The following LRP1B variants were observed in gnomAD, a reference collection of about 807,000 sequenced individuals.
LRP1B encodes the protein LDL receptor related protein 1B.
Under a neutral mutation model 556.6 loss-of-function variants are expected in LRP1B, and 217 were observed. That is an observed-to-expected ratio of 0.39 (90% confidence interval 0.35 to 0.44). The LOEUF (loss-of-function observed/expected upper bound fraction) is 0.44, where lower values mean the gene tolerates loss of function less well. Ranked by LOEUF, LRP1B falls within the 20% of genes least tolerant of loss-of-function variation. The probability of loss-of-function intolerance (pLI) is 1.00; values close to 1 mark genes in which losing one functional copy is unlikely to be tolerated. For synonymous variants in LRP1B, 2,047 were observed against 1,865.8 expected (o/e 1.10, Z -2.50); for missense variants, 5,053 against 5,620.8 (o/e 0.90, Z 3.23).
At chr2:140,244,411 C>G (rs1257429368) in intron 87 of LRP1B, among the ~76,000 whole-genome samples, 2 of 151,250 alleles carry the variant, frequency 1.3e-5, no homozygotes, top group Non-Finnish European at 3.0e-5. Context: ...TTTTGTCTTT[C>G]ATAATTTCAG....
chr2:141,722,757 G>GAT (rs1418559908), intron 2 of LRP1B, among the ~76,000 whole-genome samples: 4 of 151,882 alleles, frequency 2.6e-5, no homozygotes, highest in African/African-American at 9.7e-5. Flanking sequence ...TAGATAGATA[G>GAT]ATAGATAGAT....
rs117519962 is a variant in LRP1B at position 141,533,399 on chromosome 2, G to T, written c.206-52866C>A. The stretch of plus-strand genomic sequence containing the variant: ...AATTATATGTAGTAATATTCCAACT[G>T]CTCACATCTTTTCATGAGAACTAAA... On this transcript the variant is annotated intron_variant, in intron 2 of 90. Coordinates refer to ENST00000389484, the MANE Select transcript of LRP1B (RefSeq NM_018557.3). 2.0e-3 allele frequency among the ~76,000 whole-genome samples: 297 copies of T among 152,202 alleles called. 3 individuals carry two copies. Among genetic ancestry groups the T allele is most frequent in the Admixed American group, 0.015 (236 of 15,282 alleles).
intron 3 of LRP1B, among the ~76,000 whole-genome samples, chr2:141,378,564 G>C (rs1270806955): frequency 6.6e-6 from 1 of 152,114 alleles, no homozygotes; most frequent in Non-Finnish European, 1.5e-5. Flanking sequence ...TACTCAGGAA[G>C]CTGAGGCAGG....
chr2:141,921,359 G>T (rs754438601), intron 1 of LRP1B, among the ~76,000 whole-genome samples: 2 of 151,906 alleles, frequency 1.3e-5, no homozygotes, highest in African/African-American at 2.4e-5. Flanking sequence ...GCAGAATATT[G>T]TCCATGAAAA....
intron 18 of LRP1B, among the ~76,000 whole-genome samples, chr2:140,975,184 T>C (rs896483099): frequency 6.6e-6 from 1 of 152,132 alleles, no homozygotes; most frequent in African/African-American, 2.4e-5. Context: ...ATATACATCC[T>C]GTGGTGAGAA....
rs1205506367 is a variant in LRP1B, at chr2:140,299,533, A to T, written c.12806-1564T>A. ...GTAATCTCATATTTTTTTGTTGCCA[A>T]AAAATGTTCACTAACTTTTAGTAGA... On this transcript the variant is annotated intron_variant, in intron 83 of 90. Transcript: ENST00000389484. Among the ~76,000 whole-genome samples, 8 of 152,232 alleles carry T rather than the reference A, an allele frequency of 5.3e-5. No individual in the cohort carries two copies. In the East Asian group the frequency reaches 7.7e-4, roughly 15 times the overall value.
intron 2 of LRP1B, among the ~76,000 whole-genome samples, chr2:141,558,285 TTA>T (rs1396380480): frequency 6.6e-6 from 1 of 151,782 alleles, no homozygotes; most frequent in African/African-American, 2.4e-5. Context: ...TGGAGTAAAG[TTA>T]TGTTAGGAAA....
At chr2:141,118,774 CCTTT>C (rs1383966387) in intron 7 of LRP1B, among the ~76,000 whole-genome samples, 1 of 151,390 alleles carries the variant, frequency 6.6e-6, no homozygotes, top group Non-Finnish European at 1.5e-5. Context: ...ATTTTATTTC[CCTTT>C]TTTTCTTTTG....
At chr2:142,071,840 C>A (rs952697120) in intron 1 of LRP1B, among the ~76,000 whole-genome samples, 2 of 151,960 alleles carry the variant, frequency 1.3e-5, no homozygotes, top group Non-Finnish European at 2.9e-5. Flanking sequence ...AAACCTCAGG[C>A]CCACAGAATG....
At chr2:140,371,561 A>C (rs528316174) in intron 69 of LRP1B, among the ~76,000 whole-genome samples, 90 of 151,806 alleles carry the variant, frequency 5.9e-4, no homozygotes, top group Non-Finnish European at 1.0e-3. Flanking sequence ...GGAAAAAAAA[A>C]CAAACAAACC....
intron 18 of LRP1B, among the ~76,000 whole-genome samples, chr2:140,976,503 C>CTTTTTTTTTTTTT (rs1216208854): frequency 4.7e-5 from 5 of 105,354 alleles, no homozygotes; most frequent in Non-Finnish European, 7.5e-5. Context: ...TTTTTTTTTC[C>CTTTTTTTTTTTTT]TTTTTTTTTT....
intron 85 of LRP1B, among the ~76,000 whole-genome samples, chr2:140,270,844 G>C (rs1342801033): frequency 2.6e-5 from 4 of 152,050 alleles, no homozygotes; most frequent in African/African-American, 9.6e-5. Flanking sequence ...GGGTTATCCT[G>C]TAGCCACTTT....
At position 141,869,397 on chromosome 2, in the gene LRP1B, ATAT is replaced by A. The variant is rs548113764; in HGVS notation, c.83-58999_83-58997del. On this transcript the variant is annotated intron_variant, in intron 1 of 90. Transcript: ENST00000389484. ...ATTCAACTTCAGAATAAGGATGATA[ATAT>A]TATATATTCTCAAAGTTCAAAGAAA... is the stretch of plus-strand genomic sequence containing the variant. 7.2e-5 allele frequency among the ~76,000 whole-genome samples: 11 copies of A among 152,090 alleles called. No homozygotes were observed. In the South Asian group the frequency reaches 2.1e-3, roughly 29 times the overall value.
At chr2:140,984,859 T>C (rs1459236423) in intron 17 of LRP1B, among the ~76,000 whole-genome samples, 1 of 152,146 alleles carries the variant, frequency 6.6e-6, no homozygotes, top group African/African-American at 2.4e-5. Context: ...ATGAGAAAGA[T>C]GCTTTATTCC....
chr2:140,682,675 C>CGTGTGTGT (rs112723393), intron 41 of LRP1B, among the ~76,000 whole-genome samples: 9,464 of 149,414 alleles, frequency 0.063, 420 homozygotes, highest in Admixed American at 0.14. Context: ...GAGAGTATTG[C>CGTGTGTGT]GTGTGTGTGT....
At chr2:141,711,952 GACAC>G (rs3039230) in intron 2 of LRP1B, among the ~76,000 whole-genome samples, 4 of 148,282 alleles carry the variant, frequency 2.7e-5, no homozygotes, top group African/African-American at 7.4e-5. Flanking sequence ...AACACACACA[GACAC>G]ACACACACAC....
chr2:140,497,007 T>TA (rs976815384), intron 55 of LRP1B, among the ~76,000 whole-genome samples: 2 of 151,630 alleles, frequency 1.3e-5, no homozygotes, highest in African/African-American at 4.8e-5. Context: ...TCCATATTAA[T>TA]AAAAAATCAG....
chr2:141,967,782 G>T (rs1234275947), intron 1 of LRP1B, among the ~76,000 whole-genome samples: 1 of 151,724 alleles, frequency 6.6e-6, no homozygotes, highest in Non-Finnish European at 1.5e-5. Flanking sequence ...GAACTGATTT[G>T]CTATGTATAG....
chr2:142,116,949 T>C (rs1186335370), intron 1 of LRP1B, among the ~76,000 whole-genome samples: 3 of 152,134 alleles, frequency 2.0e-5, no homozygotes, highest in South Asian at 2.1e-4. Flanking sequence ...TGTCTACTTA[T>C]CAGAATCATA....
Sources: allele counts gnomAD v4.1 joint callset (sites outside exome capture counted in the v4.1 genomes callset), GRCh38; gene constraint gnomAD v4.1.1; transcripts MANE v1.5; gene names NCBI Gene and HGNC (gene_info 2026-07-23, HGNC 2026-07-21).